The following GNAI1 variants were observed in gnomAD, a reference collection of about 807,000 sequenced individuals.
GNAI1 encodes G protein subunit alpha i1, also known as guanine nucleotide-binding protein G(i) subunit alpha-1.
GNAI1 carries 11 observed loss-of-function variants against 38.9 expected under a neutral mutation model. That is an observed-to-expected ratio of 0.28 (90% confidence interval 0.18 to 0.47). The LOEUF (loss-of-function observed/expected upper bound fraction) is 0.47, where lower values mean the gene tolerates loss of function less well. Among genes scored for constraint, GNAI1 ranks in the 20% least tolerant of loss-of-function variants. The pLI is 0.99. For missense variants in GNAI1, 317 were observed against 436.9 expected (o/e 0.73, Z 2.45); for synonymous variants, 166 against 145.1 (o/e 1.14, Z -1.04).
rs896671026 is a variant in GNAI1 at position 80,218,891 on chromosome 7, C to T, written c.*1398C>T. ...ATTATTCATGATGTGTCATCTCTGA[C>T]CTTGTTTCAGCAAAGTAAACAGCAC... On this transcript the variant is annotated 3_prime_UTR_variant, in exon 8 of 8. Coordinates refer to ENST00000649796, the MANE Select transcript of GNAI1 (RefSeq NM_002069.6). The T allele has an allele frequency of 4.6e-5, 7 of 152,088 alleles. No individual in the cohort carries two copies. Among genetic ancestry groups the T allele is most frequent in the Non-Finnish European group, 1.0e-4 (7 of 68,056 alleles). The allele number at this position is 152,088 out of a possible 1,614,324, so 9.4% of individuals were successfully genotyped here.
chr7:80,153,304 C>T (rs955976748), intron 1 of GNAI1, among the ~76,000 whole-genome samples: 3 of 152,024 alleles, frequency 2.0e-5, no homozygotes, highest in Non-Finnish European at 4.4e-5. Flanking sequence ...TATAGTTTTA[C>T]ATCCTTGGTT....
chr7:80,146,365 C>G (rs1440640874), intron 1 of GNAI1, among the ~76,000 whole-genome samples: 1 of 152,084 alleles, frequency 6.6e-6, no homozygotes, highest in Non-Finnish European at 1.5e-5. Flanking sequence ...TGCCTCTTCT[C>G]CCATTATTCA....
chr7:80,222,821 C>G lies in GNAI1; in HGVS notation c.*5328C>G, dbSNP rs904757489. On this transcript the variant is annotated 3_prime_UTR_variant, in exon 8 of 8. Coordinates refer to ENST00000649796, the MANE Select transcript of GNAI1 (RefSeq NM_002069.6). ...TCACCTAGAAGAAAGTACAGGTGCTCCTTGACTTACCGTGGGTTAAGTCCT... is the reference window on the plus strand; with the variant it reads ...TCACCTAGAAGAAAGTACAGGTGCTGCTTGACTTACCGTGGGTTAAGTCCT... Among the ~76,000 whole-genome samples the G allele has an allele frequency of 6.6e-6, 1 of 151,988 alleles. No individual in the cohort carries two copies. Among genetic ancestry groups the G allele is most frequent in the African/African-American group, 2.4e-5 (1 of 41,360 alleles).
rs1396380326 is a variant in GNAI1 at position 80,220,505 on chromosome 7, A to G, written c.*3012A>G. Among the ~76,000 whole-genome samples, 1 of 152,142 alleles carries G rather than the reference A, an allele frequency of 6.6e-6. No homozygotes were observed. The highest frequency in any genetic ancestry group is 6.5e-5 in the Admixed American group (1 of 15,278). ...CCGTCTCTAGGCTTAGACCTGACCA[A>G]TCCGAGTCCTCCAGCATTGGACGAG... On this transcript the variant is annotated 3_prime_UTR_variant, in exon 8 of 8. Coordinates refer to ENST00000649796, the MANE Select transcript of GNAI1 (RefSeq NM_002069.6).
At chr7:80,191,203 ATCT>A (rs1788474593) in intron 3 of GNAI1, among the ~76,000 whole-genome samples, 1 of 151,624 alleles carries the variant, frequency 6.6e-6, no homozygotes, top group African/African-American at 2.4e-5. Flanking sequence ...TGTGTTACCT[ATCT>A]TTACGTAAGC....
At chr7:80,153,265 C>CT (rs34298004) in intron 1 of GNAI1, among the ~76,000 whole-genome samples, 26 of 151,148 alleles carry the variant, frequency 1.7e-4, no homozygotes, top group African/African-American at 3.2e-4. Flanking sequence ...ACTTTGTATT[C>CT]TTTTTTTTTC....
intron 1 of GNAI1, among the ~76,000 whole-genome samples, chr7:80,157,017 A>G (rs777270646): frequency 1.2e-4 from 19 of 152,212 alleles, no homozygotes; most frequent in Non-Finnish European, 2.5e-4. Flanking sequence ...TGTACATTCT[A>G]TTGGTTTGGA....
Position 80,188,836 on chromosome 7 carries a change from GAC to G in GNAI1, c.119-109_119-108del, listed in dbSNP as rs1376216740. The G allele has an allele frequency of 1.6e-5, 11 of 697,162 alleles. No homozygotes were observed. In the East Asian group the frequency reaches 1.6e-4, roughly 10 times the overall value. 43.2% of individuals were successfully genotyped at this position (697,162 alleles called of 1,614,324 possible). A position where few individuals can be genotyped will look rare whatever the true frequency, so the allele number is the denominator to read the frequency against. ...AAACAAAATTCAGCTCTAAGAGGTA[GAC>G]ACACAGAGAGAGACTGGGTGTGTGT... On this transcript the variant is annotated intron_variant, in intron 1 of 7. Transcript: ENST00000649796.
intron 3 of GNAI1, 115 bp downstream of exon 3, chr7:80,189,346 A>G: frequency 1.2e-6 from 1 of 865,960 alleles, no homozygotes; most frequent in Non-Finnish European, 1.8e-6. Context: ...CATAAAAGGA[A>G]CCAAAAGGAT....
Position 80,135,256 on chromosome 7 carries a change from C to G in GNAI1, c.96C>G (p.Arg32=). 2.0e-6 allele frequency: 3 copies of G among 1,518,874 alleles called. No homozygotes were observed. Among genetic ancestry groups the G allele is most frequent in the East Asian group, 2.7e-5 (1 of 37,108 alleles). The allele number at this position is 1,518,874 out of a possible 1,614,324, so 94.1% of individuals were successfully genotyped here. A position where few individuals can be genotyped will look rare whatever the true frequency, so the allele number is the denominator to read the frequency against. ...GTGAGGACGGCGAGAAGGCGGCGCG[C>G]GAGGTCAAGCTGCTGCTGCTCGGTA... is the stretch of plus-strand genomic sequence containing the variant. ...NLREDGEKAA[R]EVKLLLLGAG... The change falls in exon 1 of 8, where the codon CGC becomes CGG. Residue 32 remains arginine (R), a synonymous_variant. Coordinates refer to ENST00000649796, the MANE Select transcript of GNAI1 (RefSeq NM_002069.6).
intron 1 of GNAI1, among the ~76,000 whole-genome samples, chr7:80,156,264 T>G (rs752202763): frequency 6.6e-6 from 1 of 152,126 alleles, no homozygotes; most frequent in Non-Finnish European, 1.5e-5. Flanking sequence ...GTACCATTTA[T>G]CCTGTTAAAA....
In GNAI1 at chr7:80,135,054, G is replaced by C. The variant is rs1787382784; in HGVS notation, c.-107G>C. Reference sequence around the variant, plus strand: ...AAGTGGTGGGGGCGGCGTGGCCCCCGTCGGGAGGCGTTCGAACGCCCGCTA... The same window carrying C: ...AAGTGGTGGGGGCGGCGTGGCCCCCCTCGGGAGGCGTTCGAACGCCCGCTA... On this transcript the variant is annotated 5_prime_UTR_variant, in exon 1 of 8. Transcript: ENST00000649796. 1.6e-6 allele frequency: 1 copy of C among 611,976 alleles called. No homozygotes were observed. Among genetic ancestry groups the C allele is most frequent in the Non-Finnish European group, 2.5e-6 (1 of 397,128 alleles). The allele number at this position is 611,976 out of a possible 1,614,324, so 37.9% of individuals were successfully genotyped here. A position where few individuals can be genotyped will look rare whatever the true frequency, so the allele number is the denominator to read the frequency against.
At chr7:80,150,287 G>A (rs192841197) in intron 1 of GNAI1, among the ~76,000 whole-genome samples, 2 of 152,146 alleles carry the variant, frequency 1.3e-5, no homozygotes, top group African/African-American at 4.8e-5. Flanking sequence ...ATCATCAAGA[G>A]TGAATAAATA....
intron 1 of GNAI1, among the ~76,000 whole-genome samples, chr7:80,168,435 T>C (rs983502022): frequency 6.6e-6 from 1 of 152,204 alleles, no homozygotes; most frequent in Admixed American, 6.5e-5. Flanking sequence ...TCACCTAGGC[T>C]GGAGTGCAGT....
At chr7:80,202,193 G>A (rs367784405) in intron 4 of GNAI1, among the ~76,000 whole-genome samples, 2 of 151,992 alleles carry the variant, frequency 1.3e-5, no homozygotes, top group Admixed American at 6.6e-5. Flanking sequence ...AGGTGCAAGC[G>A]ATTCTCCTGC....
intron 7 of GNAI1, among the ~76,000 whole-genome samples, chr7:80,213,263 T>G (rs1788903772): frequency 6.6e-6 from 1 of 152,046 alleles, no homozygotes. Flanking sequence ...ACTGCTAAAA[T>G]AAGGAACATG....
intron 1 of GNAI1, among the ~76,000 whole-genome samples, chr7:80,180,418 C>T (rs1319451734): frequency 2.6e-5 from 4 of 151,872 alleles, no homozygotes; most frequent in East Asian, 1.9e-4. Context: ...ATTGCACTTG[C>T]GATATGATTC....
At chr7:80,153,410 C>G (rs1458272550) in intron 1 of GNAI1, among the ~76,000 whole-genome samples, 1 of 152,072 alleles carries the variant, frequency 6.6e-6, no homozygotes, top group Non-Finnish European at 1.5e-5. Context: ...ACTGATTTGT[C>G]TAATTATCAA....
chr7:80,172,175 C>T (rs1244780605), intron 1 of GNAI1, among the ~76,000 whole-genome samples: 1 of 152,140 alleles, frequency 6.6e-6, no homozygotes, highest in East Asian at 1.9e-4. Flanking sequence ...TGAAAGATTT[C>T]TATGGCTAGT....
Sources: gnomAD v4.1 joint callset for allele counts (sites outside exome capture counted in the v4.1 genomes callset) on GRCh38, gnomAD v4.1.1 for gene constraint, MANE v1.5 for transcripts, NCBI Gene and HGNC (gene_info 2026-07-23, HGNC 2026-07-21) for gene names.